EGF: variants seen among roughly 807,000 people sequenced by gnomAD.
EGF encodes the protein epidermal growth factor.
EGF carries 95 observed loss-of-function variants against 143.8 expected under a neutral mutation model. That is an observed-to-expected ratio of 0.66 (90% CI 0.56 to 0.78). EGF has a LOEUF of 0.78. Ranked by LOEUF, EGF falls within the 30% of genes least tolerant of loss-of-function variation. The pLI is 0.00. For missense variants in EGF, 1,320 were observed against 1,470.9 expected (o/e 0.90, Z 1.68); for synonymous variants, 510 against 510.5 (o/e 1.00, Z 0.01).
intron 1 of EGF, among the ~76,000 whole-genome samples, chr4:109,940,539 T>C (rs772045167): frequency 1.8e-4 from 27 of 152,108 alleles, no homozygotes; most frequent in Non-Finnish European, 3.4e-4. Flanking sequence ...ACCCAAGGAG[T>C]CCATTTCCAA....
chr4:109,930,444 T>C (rs11568869), intron 1 of EGF, among the ~76,000 whole-genome samples: 52 of 152,268 alleles, frequency 3.4e-4, no homozygotes, highest in African/African-American at 1.2e-3. Context: ...GCCACATTCT[T>C]TTCTCATGGT....
At chr4:109,918,921 G>T (rs919107656) in intron 1 of EGF, among the ~76,000 whole-genome samples, 4 of 152,096 alleles carry the variant, frequency 2.6e-5, no homozygotes, top group African/African-American at 9.7e-5. Flanking sequence ...CACCACATGA[G>T]CGAAACCCTC....
chr4:109,962,568 A>C (rs1305879353), intron 8 of EGF, among the ~76,000 whole-genome samples: 2 of 152,222 alleles, frequency 1.3e-5, no homozygotes, highest in African/African-American at 4.8e-5. Flanking sequence ...AACTCATCAA[A>C]TGGATTTTTC....
At chr4:109,968,093 T>G (rs773813383) in intron 10 of EGF, among the ~76,000 whole-genome samples, 3 of 152,230 alleles carry the variant, frequency 2.0e-5, no homozygotes, top group Non-Finnish European at 4.4e-5. Flanking sequence ...AAAAGTAATT[T>G]CACTATGACA....
chr4:109,977,260 G>A (rs1174941247), intron 13 of EGF: 1 of 152,088 alleles, frequency 6.6e-6, no homozygotes, highest in Non-Finnish European at 1.5e-5. Flanking sequence ...TTAGGAAGAA[G>A]CTAACCAACT....
chr4:109,951,713 TAC>T (rs761213734), intron 5 of EGF, among the ~76,000 whole-genome samples: 2 of 152,240 alleles, frequency 1.3e-5, no homozygotes, highest in Non-Finnish European at 2.9e-5. Context: ...GATGTCACAG[TAC>T]CCTGTTGAAG....
chr4:109,924,763 C>T (rs1738356786), intron 1 of EGF, among the ~76,000 whole-genome samples: 1 of 152,128 alleles, frequency 6.6e-6, no homozygotes, highest in South Asian at 2.1e-4. Context: ...CTTTCTTATT[C>T]CTAGGATGAG....
At chr4:109,991,137 C>T (rs1206781534) in intron 18 of EGF, among the ~76,000 whole-genome samples, 2 of 152,176 alleles carry the variant, frequency 1.3e-5, no homozygotes, top group Non-Finnish European at 2.9e-5. Context: ...AACCACATTA[C>T]AACTGTAAAA....
At chr4:109,978,587 G>A (rs866836439) in intron 13 of EGF, among the ~76,000 whole-genome samples, 2 of 152,282 alleles carry the variant, frequency 1.3e-5, no homozygotes, top group Middle Eastern at 3.4e-3. Flanking sequence ...GGATGTGGGA[G>A]AGGAAATGAG....
chr4:109,995,244 A>G (rs1196055686), intron 20 of EGF, among the ~76,000 whole-genome samples: 2 of 152,110 alleles, frequency 1.3e-5, no homozygotes, highest in African/African-American at 2.4e-5. Flanking sequence ...TGTGCTTTAT[A>G]TTATGTGTGA....
At chr4:110,007,379 T>C (rs1753449188) in intron 22 of EGF, among the ~76,000 whole-genome samples, 1 of 152,208 alleles carries the variant, frequency 6.6e-6, no homozygotes, top group Non-Finnish European at 1.5e-5. Context: ...CACTAGTTAC[T>C]GATTGACAAG....
intron 16 of EGF, 55 bp downstream of exon 16, chr4:109,983,596 C>A: frequency 6.2e-7 from 1 of 1,609,746 alleles, no homozygotes; most frequent in South Asian, 1.1e-5. Flanking sequence ...TCCATCCTAC[C>A]AATGAGAAAT....
Position 110,003,380 on chromosome 4 carries a change from T to C in EGF, c.3174-1125T>C, listed in dbSNP as rs576295991. ...TTCTGACTGGTACAAATTATAACGT[T>C]GTACCTTTGCAACTTTGGAATTGTT... On this transcript the variant is annotated intron_variant, in intron 21 of 23. Transcript: ENST00000265171. 5.3e-5 allele frequency among the ~76,000 whole-genome samples: 8 copies of C among 152,342 alleles called. 1 individual carries two copies. In the East Asian group the frequency reaches 1.5e-3, roughly 29 times the overall value.
Position 110,011,182 on chromosome 4 carries a change from T to C in EGF, c.3371-20T>C, listed in dbSNP as rs1321435034. 1 of 1,613,288 alleles carries C rather than the reference T, an allele frequency of 6.2e-7. No homozygotes were observed. The highest frequency in any genetic ancestry group is 8.5e-7 in the Non-Finnish European group (1 of 1,179,974). On this transcript the variant is annotated intron_variant, in intron 23 of 23. Coordinates refer to ENST00000265171, the MANE Select transcript of EGF (RefSeq NM_001963.6). ...TTGTTAATGATATGAATATTGAAAT[T>C]TCTTTTGTCTTTCATATAGGGTCAA...
At chr4:109,935,892 A>G (rs1740691773) in intron 1 of EGF, among the ~76,000 whole-genome samples, 1 of 152,156 alleles carries the variant, frequency 6.6e-6, no homozygotes, top group Non-Finnish European at 1.5e-5. Context: ...CCAGGGGTGA[A>G]GCCAACTCGG....
rs1304703490 is a variant in EGF at position 110,012,881 on chromosome 4, C to G, written c.*1426C>G. Among the ~76,000 whole-genome samples, 1 of 152,144 alleles carries G rather than the reference C, an allele frequency of 6.6e-6. No individual in the cohort carries two copies. Among genetic ancestry groups the G allele is most frequent in the East Asian group, 1.9e-4 (1 of 5,204 alleles). ...TTGAATCATTCAGTTTATGCATTAA[C>G]TAGTCCCTTTGTTTATCTTTCATTT... On this transcript the variant is annotated 3_prime_UTR_variant, in exon 24 of 24. Transcript: ENST00000265171.
intron 5 of EGF, among the ~76,000 whole-genome samples, chr4:109,952,525 G>C (rs1236094599): frequency 6.6e-6 from 1 of 152,190 alleles, no homozygotes; most frequent in Non-Finnish European, 1.5e-5. Context: ...TTTGTTGCTG[G>C]AGTGTCTACT....
intron 16 of EGF, among the ~76,000 whole-genome samples, chr4:109,984,960 A>C (rs979105498): frequency 6.6e-6 from 1 of 152,214 alleles, no homozygotes; most frequent in Non-Finnish European, 1.5e-5. Flanking sequence ...GGCCACAGTT[A>C]GTTGTGGAGA....
chr4:110,006,742 A>T (rs904288437), intron 22 of EGF, among the ~76,000 whole-genome samples: 9 of 152,242 alleles, frequency 5.9e-5, no homozygotes, highest in African/African-American at 2.2e-4. Flanking sequence ...TGCTGCTGTC[A>T]TGAGCAACTT....
Sources: gnomAD v4.1 joint callset for allele counts (sites outside exome capture counted in the v4.1 genomes callset) on GRCh38, gnomAD v4.1.1 for gene constraint, MANE v1.5 for transcripts, NCBI Gene and HGNC (gene_info 2026-07-23, HGNC 2026-07-21) for gene names.